The following TMEM132B variants were observed in gnomAD, a reference collection of about 807,000 sequenced individuals.
TMEM132B encodes transmembrane protein 132B.
TMEM132B carries 18 observed loss-of-function variants against 90.8 expected under a neutral mutation model. That is an observed-to-expected ratio of 0.20 (90% CI 0.14 to 0.29). The LOEUF (loss-of-function observed/expected upper bound fraction) is 0.29. Ranked by LOEUF, TMEM132B falls within the 10% of genes least tolerant of loss-of-function variation. TMEM132B has a pLI of 1.00. For synonymous variants in TMEM132B, 504 were observed against 523.3 expected (o/e 0.96, Z 0.50); for missense variants, 1,096 against 1,326.8 (o/e 0.83, Z 2.70).
chr12:125,568,042 A>G lies in TMEM132B; in HGVS notation c.1294-15809A>G, dbSNP rs573983526. Among the ~76,000 whole-genome samples, 4 of 152,224 alleles carry G rather than the reference A, an allele frequency of 2.6e-5. No individual in the cohort carries two copies. In the South Asian group the frequency reaches 6.2e-4, roughly 24 times the overall value. On this transcript the variant is annotated intron_variant, in intron 4 of 8. Coordinates refer to ENST00000682704, the MANE Select transcript of TMEM132B (RefSeq NM_001366854.1). ...TCTCCCTGACCCTCTCATTGTGTCT[A>G]TAACTCTGGCTTTCTCTGTCTCTAA... is the stretch of plus-strand genomic sequence containing the variant.
At chr12:125,439,418 C>G (rs1318153478) in intron 3 of TMEM132B, among the ~76,000 whole-genome samples, 2 of 152,072 alleles carry the variant, frequency 1.3e-5, no homozygotes, top group African/African-American at 4.8e-5. Flanking sequence ...GTATTTCATT[C>G]TTTTTGTGGC....
chr12:125,375,697 G>A (rs190706855), intron 2 of TMEM132B, among the ~76,000 whole-genome samples: 74 of 152,316 alleles, frequency 4.9e-4, no homozygotes, highest in African/African-American at 1.6e-3. Context: ...GACTTACCAC[G>A]GCTGCGTGTT....
At chr12:125,368,896 A>G (rs772801085) in intron 2 of TMEM132B, among the ~76,000 whole-genome samples, 2 of 152,232 alleles carry the variant, frequency 1.3e-5, no homozygotes, top group Non-Finnish European at 2.9e-5. Flanking sequence ...TTATACTTTA[A>G]GTTCTATGGT....
At chr12:125,590,677 A>G (rs568958115) in intron 5 of TMEM132B, among the ~76,000 whole-genome samples, 2 of 152,356 alleles carry the variant, frequency 1.3e-5, no homozygotes, top group African/African-American at 4.8e-5. Flanking sequence ...GGTGTAATGC[A>G]TATGACTTCT....
chr12:125,221,710 C>T (rs942269218), intron 1 of TMEM132B, among the ~76,000 whole-genome samples: 4 of 152,166 alleles, frequency 2.6e-5, no homozygotes, highest in Admixed American at 6.5e-5. Context: ...AGTGATTAAA[C>T]AGAGGGTGTA....
chr12:125,404,636 T>C (rs566911703), intron 2 of TMEM132B, among the ~76,000 whole-genome samples: 1 of 152,338 alleles, frequency 6.6e-6, no homozygotes, highest in Admixed American at 6.5e-5. Flanking sequence ...TGTAGGTAGA[T>C]AGTGTTATTA....
rs1017965243 is a variant in TMEM132B, at chr12:125,459,235, C to G, written c.1106+43558C>G. 1.3e-5 allele frequency among the ~76,000 whole-genome samples: 2 copies of G among 152,146 alleles called. No homozygotes were observed. The highest frequency in any genetic ancestry group is 2.9e-5 in the Non-Finnish European group (2 of 68,034). The stretch of plus-strand genomic sequence containing the variant: ...ACCTTTCAAATAGTGGGACCCTCTT[C>G]TACGTGTGGGGAACCGCCAGCATGT... On this transcript the variant is annotated intron_variant, in intron 3 of 8. Coordinates refer to ENST00000682704, the MANE Select transcript of TMEM132B (RefSeq NM_001366854.1). This position sits in a 1 kb window ranked among gnomAD's most constrained non-coding sequence, Gnocchi z 4.1.
Position 125,349,915 on chromosome 12 carries a change from C to T in TMEM132B, c.531C>T (p.Ala177=), listed in dbSNP as rs757986769. 1.2e-6 allele frequency: 2 copies of T among 1,614,232 alleles called. No individual in the cohort carries two copies. Among genetic ancestry groups the T allele is most frequent in the East Asian group, 2.2e-5 (1 of 44,886 alleles). The change falls in exon 2 of 9, where the codon GCC becomes GCT. Residue 177 remains alanine (A), a synonymous_variant. Coordinates refer to ENST00000682704, the MANE Select transcript of TMEM132B (RefSeq NM_001366854.1). The surrounding 1 kb of genome is among the most constrained non-coding windows in gnomAD (Gnocchi z 4.1). The part of the protein sequence containing the change: ...FAFPEAREVA[A]SCRLQGAPGL... The stretch of plus-strand genomic sequence containing the variant: ...TCCCTGAGGCCAGGGAAGTGGCAGC[C>T]AGCTGTCGGCTGCAAGGGGCCCCAG...
intron 3 of TMEM132B, among the ~76,000 whole-genome samples, chr12:125,465,122 C>T (rs565958623): frequency 6.6e-6 from 1 of 152,180 alleles, no homozygotes; most frequent in Non-Finnish European, 1.5e-5. Flanking sequence ...ATGTTAATCC[C>T]TCAAAATCCT....
intron 1 of TMEM132B, among the ~76,000 whole-genome samples, chr12:125,216,599 T>C (rs2136069846): frequency 6.6e-6 from 1 of 152,334 alleles, no homozygotes; most frequent in South Asian, 2.1e-4. Flanking sequence ...GCCCTTGGAA[T>C]TACTCCGTTA....
At chr12:125,296,836 C>T (rs1024482956) in intron 1 of TMEM132B, among the ~76,000 whole-genome samples, 4 of 152,204 alleles carry the variant, frequency 2.6e-5, no homozygotes, top group South Asian at 2.1e-4. Flanking sequence ...GCTCCTTGTG[C>T]TACGTTAGGG....
chr12:125,314,644 C>T (rs1030995843), intron 1 of TMEM132B, among the ~76,000 whole-genome samples: 1 of 152,144 alleles, frequency 6.6e-6, no homozygotes, highest in Admixed American at 6.5e-5. Flanking sequence ...CGCGAACCCT[C>T]GCGAGGGAGG....
chr12:125,424,780 G>A (rs422105), intron 3 of TMEM132B, among the ~76,000 whole-genome samples: 1 of 151,988 alleles, frequency 6.6e-6, no homozygotes, highest in East Asian at 1.9e-4. Context: ...AGAGACCTCC[G>A]TATGGAGGGG....
intron 4 of TMEM132B, among the ~76,000 whole-genome samples, chr12:125,574,179 T>A (rs1010235719): frequency 2.6e-5 from 4 of 151,952 alleles, no homozygotes; most frequent in South Asian, 2.1e-4. Flanking sequence ...TTTTTTTTTT[T>A]AAATCAATCA....
intron 3 of TMEM132B, among the ~76,000 whole-genome samples, chr12:125,464,421 A>G (rs1031618511): frequency 2.0e-5 from 3 of 152,006 alleles, no homozygotes; most frequent in Admixed American, 6.6e-5. Context: ...TAAATGTTGG[A>G]TGGGTCGAAA....
At chr12:125,311,558 C>G (rs1242361312) in intron 1 of TMEM132B, among the ~76,000 whole-genome samples, 1 of 152,176 alleles carries the variant, frequency 6.6e-6, no homozygotes, top group East Asian at 1.9e-4. Context: ...TCTCTTCCAC[C>G]CTGATCCAAG....
intron 2 of TMEM132B, among the ~76,000 whole-genome samples, chr12:125,403,141 A>G (rs886066273): frequency 6.6e-6 from 1 of 152,228 alleles, no homozygotes; most frequent in African/African-American, 2.4e-5. Context: ...TTTAGCTATA[A>G]AAGAACTCAA....
intron 1 of TMEM132B, among the ~76,000 whole-genome samples, chr12:125,259,608 C>T (rs1352004816): frequency 1.3e-5 from 2 of 152,124 alleles, no homozygotes; most frequent in African/African-American, 4.8e-5. Context: ...TGGGAGGGAA[C>T]CCTCCTTAAA....
At chr12:125,429,927 G>A (rs887561562) in intron 3 of TMEM132B, among the ~76,000 whole-genome samples, 2 of 152,202 alleles carry the variant, frequency 1.3e-5, no homozygotes, top group African/African-American at 4.8e-5. Context: ...AGCCCACGCT[G>A]AAGGGGTGGG....
Sources: allele counts gnomAD v4.1 joint callset (sites outside exome capture counted in the v4.1 genomes callset), GRCh38; gene constraint gnomAD v4.1.1; non-coding constraint Gnocchi (gnomAD v3.1); transcripts MANE v1.5; gene names NCBI Gene and HGNC (gene_info 2026-07-23, HGNC 2026-07-21).